Variants in CCDC73 observed in about 807,000 individuals in gnomAD.
The protein encoded by CCDC73 is coiled-coil domain containing 73.
In CCDC73, 95 loss-of-function variants were observed where a neutral mutation model predicts 116.5. The observed-to-expected ratio is 0.82, with a 90% CI of 0.69 to 0.97. The LOEUF (loss-of-function observed/expected upper bound fraction) is 0.97. CCDC73 is among the 50% of genes least tolerant of loss of function. The probability of loss-of-function intolerance (pLI) is 0.00; values close to 1 mark genes in which losing one functional copy is unlikely to be tolerated. For synonymous variants in CCDC73, 398 were observed against 401.3 expected, an observed-to-expected ratio of 0.99 and a Z score of 0.10; for missense variants, 1,066 against 1,206.8, an observed-to-expected ratio of 0.88 and a Z score of 1.73.
intron 13 of CCDC73, among the ~76,000 whole-genome samples, chr11:32,637,968 C>T (rs1855697370): frequency 6.6e-6 from 1 of 152,152 alleles, no homozygotes; most frequent in Non-Finnish European, 1.5e-5. Context: ...TTATTTTCAT[C>T]CACAAAATCT....
chr11:32,631,877 T>C (rs886493274), intron 14 of CCDC73, among the ~76,000 whole-genome samples: 5 of 152,064 alleles, frequency 3.3e-5, no homozygotes, highest in Admixed American at 6.5e-5. Context: ...GGCAGGCAGA[T>C]AGACAGACAG....
At chr11:32,760,907 T>C (rs564844401) in intron 1 of CCDC73, among the ~76,000 whole-genome samples, 6 of 152,324 alleles carry the variant, frequency 3.9e-5, no homozygotes, top group Admixed American at 3.9e-4. Context: ...ATTAAAAATG[T>C]GCATCTGACT....
chr11:32,625,331 G>A (rs1289159304), intron 14 of CCDC73, among the ~76,000 whole-genome samples: 2 of 152,154 alleles, frequency 1.3e-5, no homozygotes, highest in African/African-American at 4.8e-5. Context: ...TATGATGTTA[G>A]CTGGTTATTT....
At chr11:32,709,382 T>A (rs1849880442) in intron 3 of CCDC73, among the ~76,000 whole-genome samples, 1 of 152,120 alleles carries the variant, frequency 6.6e-6, no homozygotes, top group Admixed American at 6.6e-5. Flanking sequence ...CACTGCAACC[T>A]CCACCTCCCA....
At chr11:32,723,875 A>C (rs1850010359) in intron 2 of CCDC73, among the ~76,000 whole-genome samples, 1 of 152,136 alleles carries the variant, frequency 6.6e-6, no homozygotes, top group Admixed American at 6.6e-5. Flanking sequence ...ACATTTAATA[A>C]GAATTTTTAT....
At chr11:32,674,080 G>A (rs987225295) in intron 9 of CCDC73, among the ~76,000 whole-genome samples, 3 of 152,178 alleles carry the variant, frequency 2.0e-5, no homozygotes, top group Non-Finnish European at 2.9e-5. Flanking sequence ...CAGGAAGTCA[G>A]AAGACGTGGA....
At chr11:32,619,443 A>G (rs1855502928) in intron 14 of CCDC73, among the ~76,000 whole-genome samples, 1 of 152,174 alleles carries the variant, frequency 6.6e-6, no homozygotes, top group African/African-American at 2.4e-5. Context: ...GGCTGAGATG[A>G]GAGGACTACT....
At chr11:32,830,159 T>G in the CCDC73 span, 6 of 1,019,922 alleles carry the variant, frequency 5.9e-6, no homozygotes, top group Non-Finnish European at 5.9e-6. Flanking sequence ...CTGGAACATG[T>G]GCGGGGGGAC....
At chr11:32,734,425 C>CTTTTTT (rs34093038) in intron 2 of CCDC73, among the ~76,000 whole-genome samples, 1 of 131,368 alleles carries the variant, frequency 7.6e-6, no homozygotes, top group African/African-American at 2.7e-5. Flanking sequence ...ATTTTTTTTT[C>CTTTTTT]TTTTTTTTTT....
chr11:32,701,162 T>C (rs1416653929), intron 4 of CCDC73, among the ~76,000 whole-genome samples: 1 of 152,124 alleles, frequency 6.6e-6, no homozygotes, highest in Admixed American at 6.5e-5. Context: ...AGTTCAAAAT[T>C]AGCAATTTAA....
At chr11:32,695,109 C>T (rs1171184305) in intron 6 of CCDC73, among the ~76,000 whole-genome samples, 1 of 152,156 alleles carries the variant, frequency 6.6e-6, no homozygotes, top group Non-Finnish European at 1.5e-5. Flanking sequence ...TGGCTCACGC[C>T]TGTAATCCCA....
chr11:32,830,037 A>C, the CCDC73 span: 1,603 of 986,734 alleles, frequency 1.6e-3, 18 homozygotes, highest in African/African-American at 0.025. Context: ...GGGGCCATCC[A>C]GACCCTGCGG....
the CCDC73 span, among the ~76,000 whole-genome samples, chr11:32,825,032 C>T: frequency 1.3e-5 from 2 of 152,202 alleles, no homozygotes; most frequent in African/African-American, 4.8e-5. Flanking sequence ...CTGCAGTGAG[C>T]TGTGAAACTG....
intron 9 of CCDC73, among the ~76,000 whole-genome samples, chr11:32,661,571 T>C (rs1828762527): frequency 6.6e-6 from 1 of 151,584 alleles, no homozygotes; most frequent in African/African-American, 2.4e-5. Context: ...GTCCTTGCAA[T>C]AGTTTGCTGA....
At chr11:32,768,528 C>T (rs1211861279) in intron 1 of CCDC73, among the ~76,000 whole-genome samples, 1 of 151,812 alleles carries the variant, frequency 6.6e-6, no homozygotes, top group African/African-American at 2.4e-5. Context: ...AGTCTTATCC[C>T]AGAAAGTTGT....
upstream of CCDC73, among the ~76,000 whole-genome samples, chr11:32,795,182 C>T (rs142366946): frequency 2.8e-3 from 428 of 152,124 alleles, 5 homozygotes; most frequent in African/African-American, 1.0e-2. Flanking sequence ...AAATGTTAGC[C>T]GGGTGTGAGG....
chr11:32,811,949 C>CT, the CCDC73 span, among the ~76,000 whole-genome samples: 174 of 146,460 alleles, frequency 1.2e-3, no homozygotes, highest in African/African-American at 2.5e-3. Context: ...ATGGTTGATC[C>CT]TTTTTTTTTT....
chr11:32,721,822 C>T (rs1421534550), intron 2 of CCDC73, among the ~76,000 whole-genome samples: 1 of 152,120 alleles, frequency 6.6e-6, no homozygotes, highest in Non-Finnish European at 1.5e-5. Flanking sequence ...TGGTCTCAAT[C>T]TCCTGACCTC....
At chr11:32,662,675 G>A (rs1400216515) in intron 9 of CCDC73, among the ~76,000 whole-genome samples, 1 of 152,156 alleles carries the variant, frequency 6.6e-6, no homozygotes, top group African/African-American at 2.4e-5. Context: ...TTGGTGCGCA[G>A]AAGCTCTTTA....
Sources: gnomAD v4.1 joint callset for allele counts (sites outside exome capture counted in the v4.1 genomes callset) on GRCh38, gnomAD v4.1.1 for gene constraint, MANE v1.5 for transcripts, NCBI Gene and HGNC (gene_info 2026-07-23, HGNC 2026-07-21) for gene names.